ROBO1: variants seen among roughly 807,000 people sequenced by gnomAD.
ROBO1 encodes the protein roundabout guidance receptor 1.
Under a neutral mutation model 195.9 loss-of-function variants are expected in ROBO1, and 149 were observed. The observed-to-expected ratio is 0.76, with a 90% CI of 0.67 to 0.87. The LOEUF (loss-of-function observed/expected upper bound fraction) is 0.87. Ranked by LOEUF, ROBO1 falls within the 40% of genes least tolerant of loss-of-function variation. ROBO1 has a pLI of 0.00. For synonymous variants in ROBO1, 816 were observed against 733.2 expected (o/e 1.11, Z -1.82); for missense variants, 1,933 against 2,068.3 (o/e 0.93, Z 1.27).
intron 4 of ROBO1, among the ~76,000 whole-genome samples, chr3:78,787,588 G>T (rs2083875767): frequency 6.6e-6 from 1 of 152,160 alleles, no homozygotes; most frequent in South Asian, 2.1e-4. Flanking sequence ...TATCACCTAT[G>T]TGCGGGTTTT....
Position 78,717,397 on chromosome 3 carries a change from C to T in ROBO1, c.795G>A (p.Val265=). 6.2e-7 allele frequency: 1 copy of T among 1,613,694 alleles called. No homozygotes were observed. The highest frequency in any genetic ancestry group is 8.5e-7 in the Non-Finnish European group (1 of 1,179,680). Residue 265 remains valine (V), a synonymous_variant, in exon 7 of 31, where the codon GTG becomes GTA. Transcript: ENST00000464233. ...TTACTGCCAAGTTACTGGGTCTCTT[C>T]ACAAATGATGGTCTCTCTAAAATTA... The part of the protein sequence containing the change: ...ELTVLERPSF[V]KRPSNLAVTV...
Position 79,125,371 on chromosome 3 carries a change from G to C in ROBO1, c.172+85C>G, listed in dbSNP as rs185807648. The C allele has an allele frequency of 4.7e-4, 515 of 1,088,364 alleles. 6 individuals are homozygous for C. The East Asian group carries it at 0.012, about 25-fold the overall frequency. The allele number at this position is 1,088,364 out of a possible 1,614,324, so 67.4% of individuals were successfully genotyped here. On this transcript the variant is annotated intron_variant, in intron 3 of 30. Transcript: ENST00000464233. ...TGTTAGCTGGAAGCAGGGATGATTC[G>C]ATTAATTTTATACAGGTGGTTGATG...
chr3:78,939,340 C>T (rs986154635), intron 3 of ROBO1, among the ~76,000 whole-genome samples: 1 of 151,920 alleles, frequency 6.6e-6, no homozygotes, highest in African/African-American at 2.4e-5. Context: ...TGTGGCCCGG[C>T]GCGGGGGCTC....
chr3:78,916,653 C>G (rs2107571174), intron 4 of ROBO1, among the ~76,000 whole-genome samples: 1 of 151,182 alleles, frequency 6.6e-6, no homozygotes, highest in South Asian at 2.1e-4. Flanking sequence ...TATATCTAAT[C>G]AAAACTGGAA....
intron 2 of ROBO1, among the ~76,000 whole-genome samples, chr3:79,367,856 C>A (rs1207840904): frequency 6.6e-6 from 1 of 152,170 alleles, no homozygotes; most frequent in African/African-American, 2.4e-5. Flanking sequence ...ATACAGGGAT[C>A]GTGCTTGTTT....
intron 1 of ROBO1, among the ~76,000 whole-genome samples, chr3:79,621,370 T>C (rs1945003498): frequency 6.6e-6 from 1 of 152,164 alleles, no homozygotes; most frequent in Admixed American, 6.5e-5. Flanking sequence ...TCTGCCTGCA[T>C]CCAGGGGATT....
chr3:79,732,777 T>C (rs1449524134), intron 1 of ROBO1, among the ~76,000 whole-genome samples: 2 of 152,218 alleles, frequency 1.3e-5, no homozygotes, highest in Non-Finnish European at 1.5e-5. Flanking sequence ...ATGCCAATCA[T>C]CACTTACAAG....
chr3:78,750,313 C>T (rs1422819761), intron 4 of ROBO1, among the ~76,000 whole-genome samples: 4 of 151,750 alleles, frequency 2.6e-5, no homozygotes, highest in Non-Finnish European at 5.9e-5. Flanking sequence ...ATTAGCCGGG[C>T]TTGGTGGCGG....
intron 3 of ROBO1, among the ~76,000 whole-genome samples, chr3:79,043,218 A>G (rs2078521068): frequency 6.6e-6 from 1 of 152,154 alleles, no homozygotes; most frequent in Non-Finnish European, 1.5e-5. Flanking sequence ...AGCTTAATAC[A>G]GTACAAAAAA....
At chr3:79,223,701 C>G (rs1390871676) in intron 2 of ROBO1, among the ~76,000 whole-genome samples, 1 of 152,050 alleles carries the variant, frequency 6.6e-6, no homozygotes, top group Admixed American at 6.6e-5. Flanking sequence ...CCATCCAATT[C>G]AAAAGGAAAT....
intron 4 of ROBO1, among the ~76,000 whole-genome samples, chr3:78,860,248 C>G (rs1020443262): frequency 1.4e-5 from 2 of 145,046 alleles, no homozygotes; most frequent in African/African-American, 5.1e-5. Context: ...GCATTTAATA[C>G]AGATGTTCAT....
At chr3:79,479,570 G>T (rs1269645491) in intron 2 of ROBO1, among the ~76,000 whole-genome samples, 1 of 152,100 alleles carries the variant, frequency 6.6e-6, no homozygotes, top group Non-Finnish European at 1.5e-5. Flanking sequence ...CCCAAAGCTG[G>T]TATCTGGAAG....
intron 1 of ROBO1, among the ~76,000 whole-genome samples, chr3:79,651,814 A>T (rs531649327): frequency 6.6e-6 from 1 of 152,280 alleles, no homozygotes; most frequent in African/African-American, 2.4e-5. Flanking sequence ...ATGACTGAAA[A>T]ATCTATTAAG....
rs933625788 is a variant in ROBO1 at position 79,208,514 on chromosome 3, A to G, written c.89-82975T>C. Among the ~76,000 whole-genome samples, 9 of 152,344 alleles carry G rather than the reference A, an allele frequency of 5.9e-5. No homozygotes were observed. In the South Asian group the frequency reaches 1.9e-3, roughly 32 times the overall value. ...AAGGACACATGACTTGAGAGAGAGT[A>G]TAAGAAGGATTTCCACAGACGGTGA... On this transcript the variant is annotated intron_variant, in intron 2 of 30. Coordinates refer to ENST00000464233, the MANE Select transcript of ROBO1 (RefSeq NM_002941.4).
At chr3:79,033,147 T>A (rs760437467) in intron 3 of ROBO1, among the ~76,000 whole-genome samples, 4 of 152,112 alleles carry the variant, frequency 2.6e-5, no homozygotes, top group Non-Finnish European at 4.4e-5. Flanking sequence ...TAATTCAAGA[T>A]AATACAATTA....
intron 1 of ROBO1, among the ~76,000 whole-genome samples, chr3:79,691,770 C>T (rs1389064473): frequency 1.3e-5 from 2 of 151,842 alleles, no homozygotes; most frequent in Non-Finnish European, 2.9e-5. Flanking sequence ...GAATTCTTAA[C>T]ATTGTCATTA....
intron 2 of ROBO1, among the ~76,000 whole-genome samples, chr3:79,430,003 C>G (rs2038610273): frequency 6.6e-6 from 1 of 151,404 alleles, no homozygotes; most frequent in Admixed American, 6.6e-5. Context: ...TCTCTCTCTC[C>G]TTTTTTAACT....
intron 2 of ROBO1, among the ~76,000 whole-genome samples, chr3:79,531,100 C>G (rs1941641754): frequency 1.3e-5 from 2 of 152,068 alleles, no homozygotes; most frequent in South Asian, 4.1e-4. Flanking sequence ...TTGGTAGCTA[C>G]TGTTTTTCAC....
chr3:78,853,457 T>C (rs2034201614), intron 4 of ROBO1, among the ~76,000 whole-genome samples: 1 of 70,978 alleles, frequency 1.4e-5, no homozygotes, highest in African/African-American at 5.5e-5. Flanking sequence ...AGTATGTATG[T>C]GTGGGGTGTG....
Sources: gnomAD v4.1 joint callset for allele counts (sites outside exome capture counted in the v4.1 genomes callset) on GRCh38, gnomAD v4.1.1 for gene constraint, MANE v1.5 for transcripts, NCBI Gene and HGNC (gene_info 2026-07-23, HGNC 2026-07-21) for gene names.